Variants in FAH observed in about 807,000 individuals in gnomAD.
FAH encodes fumarylacetoacetase.
A neutral mutation model predicts 55.8 loss-of-function variants in FAH; 47 were observed. That is an observed-to-expected ratio of 0.84 (90% CI 0.67 to 1.07). The LOEUF (loss-of-function observed/expected upper bound fraction) is 1.07. Among genes scored for constraint, FAH ranks in the 50% least tolerant of loss-of-function variants. FAH has a pLI of 0.00. For synonymous variants in FAH, 199 were observed against 207.7 expected (o/e 0.96, Z 0.36); for missense variants, 495 against 545.9 (o/e 0.91, Z 0.93).
intron 3 of FAH, 33 bp downstream of exon 3, chr15:80,159,910 G>A (rs1157095897): frequency 6.2e-7 from 1 of 1,611,190 alleles, no homozygotes; most frequent in Non-Finnish European, 8.5e-7. Flanking sequence ...GGGGATGAGG[G>A]GATGCAGCAG....
intron 5 of FAH, among the ~76,000 whole-genome samples, chr15:80,164,097 C>T (rs1005219887): frequency 5.9e-5 from 9 of 152,236 alleles, no homozygotes; most frequent in African/African-American, 1.2e-4. Flanking sequence ...CAAATTACCA[C>T]AAACTTGGTG....
intron 12 of FAH, 81 bp from the exon 13 acceptor site, chr15:80,180,960 TC>T: frequency 8.6e-7 from 1 of 1,163,556 alleles, no homozygotes; most frequent in Non-Finnish European, 1.3e-6. Context: ...TTCTCGGGAC[TC>T]CCAGGTCTTG....
chr15:80,153,988 A>G (rs1165049660), intron 1 of FAH, among the ~76,000 whole-genome samples: 3 of 152,150 alleles, frequency 2.0e-5, no homozygotes, highest in African/African-American at 7.2e-5. Flanking sequence ...TTCTTCTTGG[A>G]AAGTGGGGTT....
intron 5 of FAH, among the ~76,000 whole-genome samples, chr15:80,167,783 C>T (rs1369537315): frequency 6.6e-6 from 1 of 152,114 alleles, no homozygotes; most frequent in Non-Finnish European, 1.5e-5. Context: ...CTGCCCACCT[C>T]AGCCTCCCAA....
chr15:80,180,248 G>T, intron 12 of FAH, 23 bp downstream of exon 12: 3 of 1,564,360 alleles, frequency 1.9e-6, no homozygotes, highest in Non-Finnish European at 1.7e-6. Context: ...CTGCACTGAG[G>T]GCTGCCCACG....
intron 12 of FAH, 158 bp downstream of exon 12, chr15:80,180,383 G>C: frequency 1.5e-6 from 1 of 654,852 alleles, no homozygotes; most frequent in Non-Finnish European, 2.7e-6. Flanking sequence ...TCTGGGTGCA[G>C]GAGGGACTTC....
intron 11 of FAH, 150 bp from the exon 12 acceptor site, chr15:80,179,974 A>C: frequency 1.5e-6 from 1 of 688,280 alleles, no homozygotes; most frequent in Admixed American, 2.0e-5. Context: ...TCCTTACTAT[A>C]AGGGACTGGA....
chr15:80,159,102 G>A (rs1043973992), intron 2 of FAH, among the ~76,000 whole-genome samples: 14 of 152,058 alleles, frequency 9.2e-5, no homozygotes, highest in Admixed American at 5.9e-4. Flanking sequence ...GCTGGGTGTG[G>A]CAGTGCACGC....
upstream of FAH, chr15:80,152,806 G>A (rs2041061654): frequency 4.2e-6 from 2 of 480,556 alleles, no homozygotes; most frequent in African/African-American, 2.3e-5. Flanking sequence ...AAGGGCGGGC[G>A]AGACTGTGGA....
At chr15:80,156,222 C>T (rs1595889441) in intron 1 of FAH, 1 of 200,306 alleles carries the variant, frequency 5.0e-6, no homozygotes, top group Non-Finnish European at 1.0e-5. Context: ...CACCTCTTGC[C>T]TTCTAGGTCA....
intron 13 of FAH, 69 bp downstream of exon 13, chr15:80,181,228 G>A (rs192209824): frequency 2.4e-4 from 264 of 1,099,734 alleles, no homozygotes; most frequent in South Asian, 2.3e-3. Flanking sequence ...GCTGCGGGGC[G>A]CTCCTACCTG....
At position 80,180,946 on chromosome 15, in the gene FAH, C is replaced by T. The variant is rs74472237; in HGVS notation, c.1063-96C>T. The T allele has an allele frequency of 1.2e-3, 1,185 of 986,582 alleles. 12 individuals carry two copies. The African/African-American group carries it at 0.017, about 14-fold the overall frequency. The allele number at this position is 986,582 out of a possible 1,614,324, so 61.1% of individuals were successfully genotyped here. On this transcript the variant is annotated intron_variant, in intron 12 of 13. Coordinates refer to ENST00000561421, the MANE Select transcript of FAH (RefSeq NM_000137.4). ...CTCTGAGGGGCATGAGGGCCCCCTG[C>T]CACTTCTCGGGACTCCCAGGTCTTG...
At position 80,180,113 on chromosome 15, in the gene FAH, A is replaced by G. The variant is rs369924918; in HGVS notation, c.961-11A>G. Reference sequence around the variant, plus strand: ...CCGCTGCTCATTCCACCTCGCGTCCATTGCCTGCAGTACATGTACTGGACG... The same window carrying G: ...CCGCTGCTCATTCCACCTCGCGTCCGTTGCCTGCAGTACATGTACTGGACG... On this transcript the variant is annotated splice_polypyrimidine_tract_variant and intron_variant, in intron 11 of 13. Transcript: ENST00000561421. 4.4e-6 allele frequency: 7 copies of G among 1,583,954 alleles called. No individual in the cohort carries two copies. In the African/African-American group the frequency reaches 5.4e-5, roughly 12 times the overall value.
Position 80,173,144 on chromosome 15 carries a change from G to A in FAH, c.837G>A (p.Gln279=), listed in dbSNP as rs375834291. 6.2e-7 allele frequency: 1 copy of A among 1,614,210 alleles called. No homozygotes were observed. The change falls in exon 9 of 14, where the codon CAG becomes CAA. Residue 279 remains glutamine (Q), a splice_region_variant and synonymous_variant. Transcript: ENST00000561421. ...CCTTTGCTGTGCCCAACCCGAAGCA[G>A]GTAAGCACATTCTCTGCAGGAAGCT... is the stretch of plus-strand genomic sequence containing the variant. ...LMPFAVPNPK[Q]DPRPLPYLCH...
At chr15:80,176,567 C>T (rs1363774829) in intron 10 of FAH, among the ~76,000 whole-genome samples, 2 of 152,208 alleles carry the variant, frequency 1.3e-5, no homozygotes, top group Non-Finnish European at 2.9e-5. Context: ...GGTCAGGAAG[C>T]TGAGGCTCAG....
intron 1 of FAH, chr15:80,157,763 G>T: frequency 2.2e-6 from 1 of 458,290 alleles, no homozygotes; most frequent in South Asian, 2.1e-5. Flanking sequence ...CTTTGCAGGG[G>T]TCTTTGCCCA....
upstream of FAH, chr15:80,152,924 C>G: frequency 1.4e-6 from 1 of 740,732 alleles, no homozygotes; most frequent in African/African-American, 1.8e-5. Context: ...CTCCGGGGTC[C>G]CTGCTGTGTC....
At chr15:80,154,919 G>A (rs1400680959) in intron 1 of FAH, among the ~76,000 whole-genome samples, 1 of 152,152 alleles carries the variant, frequency 6.6e-6, no homozygotes, top group Non-Finnish European at 1.5e-5. Context: ...GTTTTGCCGG[G>A]TGCCTTGTTA....
intron 1 of FAH, among the ~76,000 whole-genome samples, chr15:80,154,227 C>G (rs949517127): frequency 6.6e-6 from 1 of 152,184 alleles, no homozygotes; most frequent in Non-Finnish European, 1.5e-5. Context: ...CAGACAGAGC[C>G]CTCCCTCTGC....
Sources: gnomAD v4.1 joint callset for allele counts (sites outside exome capture counted in the v4.1 genomes callset) on GRCh38, gnomAD v4.1.1 for gene constraint, MANE v1.5 for transcripts, NCBI Gene and HGNC (gene_info 2026-07-23, HGNC 2026-07-21) for gene names.